The following RPS6 variants were observed in gnomAD, a reference collection of about 807,000 sequenced individuals.
The protein encoded by RPS6 is ribosomal protein S6, also known as small ribosomal subunit protein eS6.
In RPS6, 1 loss-of-function variant was observed where a neutral mutation model predicts 27.1. That is an observed-to-expected ratio of 0.04 (90% CI 0.01 to 0.18). RPS6 has a LOEUF of 0.18. RPS6 is among the 10% of genes least tolerant of loss of function. RPS6 has a pLI of 1.00. For synonymous variants in RPS6, 152 were observed against 106.0 expected (o/e 1.43, Z -2.66); for missense variants, 259 against 319.1 (o/e 0.81, Z 1.44).
intron 2 of RPS6, 193 bp downstream of exon 2, chr9:19,379,294 A>T: frequency 1.4e-6 from 2 of 1,473,990 alleles, no homozygotes; most frequent in Non-Finnish European, 1.8e-6. Context: ...TGTAAACTTT[A>T]CGTATATTTT....
rs11541619 is a variant in RPS6, at chr9:19,376,533, C to A, written c.615G>T (p.Glu205Asp). The A allele has an allele frequency of 1.9e-6, 3 of 1,614,154 alleles. No homozygotes were observed. The highest frequency in any genetic ancestry group is 8.5e-7 in the Non-Finnish European group (1 of 1,180,020). Residue 205 changes from glutamate to aspartate, a missense_variant, in exon 5 of 6, where the codon GAG becomes GAT. Around this residue, in one of 3 missense-constraint regions of RPS6, gnomAD observed 191 missense variants for 231.6 expected, o/e 0.82. Transcript: ENST00000380394. The stretch of plus-strand genomic sequence containing the variant: ...CCAAAAGTTTAGCATATTCTGCAGC[C>A]TCTTCTTTATTTTTCTTGGTACGCT... ...KKQRTKKNKE[E>D]AAEYAKLLAK... is the part of the protein sequence containing the mutation.
chr9:19,379,023 A>G (rs1829635454), intron 2 of RPS6, 105 bp from the exon 3 acceptor site: 2 of 1,137,416 alleles, frequency 1.8e-6, no homozygotes, highest in South Asian at 1.6e-5. Flanking sequence ...AAGTATAATT[A>G]TGAAAACCAA....
rs568419287 is a variant in RPS6, at chr9:19,377,696, A to C, written c.496+672T>G. Among the ~76,000 whole-genome samples, 18 of 152,316 alleles carry C rather than the reference A, an allele frequency of 1.2e-4. No homozygotes were observed. The South Asian group carries it at 3.7e-3, about 32-fold the overall frequency. ...GTCCTCACTGGTGAGTATGTTGTCT[A>C]CTATATGGACAAAAGTTCTTAAAAG... is the stretch of plus-strand genomic sequence containing the variant. On this transcript the variant is annotated intron_variant, in intron 4 of 5. Coordinates refer to ENST00000380394, the MANE Select transcript of RPS6 (RefSeq NM_001010.3).
intron 2 of RPS6, chr9:19,379,205 T>G: frequency 1.8e-6 from 2 of 1,105,022 alleles, no homozygotes; most frequent in Non-Finnish European, 2.5e-6. Context: ...GATACAACCC[T>G]TTTTGGCACT....
rs1285573713 is a variant in RPS6 at position 19,379,475 on chromosome 9, G to A, written c.138+12C>T. 1.9e-6 allele frequency: 3 copies of A among 1,614,028 alleles called. No homozygotes were observed. Among genetic ancestry groups the A allele is most frequent in the Admixed American group, 3.3e-5 (2 of 59,988 alleles). On this transcript the variant is annotated intron_variant, in intron 2 of 5. Transcript: ENST00000380394. The stretch of plus-strand genomic sequence containing the variant: ...CTGACTTAAATACCTGCAACAATTT[G>A]TCAACTTTTACCTTCCATTCTTCAC...
At chr9:19,377,461 C>T (rs531550856) in intron 4 of RPS6, among the ~76,000 whole-genome samples, 23 of 151,208 alleles carry the variant, frequency 1.5e-4, no homozygotes, top group African/African-American at 5.1e-4. Context: ...TTCTCAGCAC[C>T]TTGAACAGTA....
intron 1 of RPS6, 164 bp downstream of exon 1, chr9:19,380,026 T>C: frequency 6.5e-7 from 1 of 1,529,152 alleles, no homozygotes; most frequent in South Asian, 1.3e-5. Context: ...TGCCATCCGT[T>C]CGGCCAAAAA....
At chr9:19,376,869 C>T (rs2132426003) in intron 4 of RPS6, 1 of 430,702 alleles carries the variant, frequency 2.3e-6, no homozygotes, top group South Asian at 4.6e-5. Flanking sequence ...GAAACCAAGT[C>T]CTGAAAAATA....
At chr9:19,380,135 T>G in intron 1 of RPS6, 55 bp downstream of exon 1, 1 of 1,614,056 alleles carries the variant, frequency 6.2e-7, no homozygotes, top group Non-Finnish European at 8.5e-7. Flanking sequence ...TGCCGCGTTC[T>G]GGGACTCGAT....
At chr9:19,379,421 A>C (rs1364188493) in intron 2 of RPS6, 66 bp downstream of exon 2, 1 of 1,600,878 alleles carries the variant, frequency 6.2e-7, no homozygotes, top group African/African-American at 1.3e-5. Context: ...CCCATTCCAA[A>C]TACCAGTTAC....
At chr9:19,378,031 A>G (rs561570088) in intron 4 of RPS6, among the ~76,000 whole-genome samples, 3 of 152,206 alleles carry the variant, frequency 2.0e-5, no homozygotes, top group Admixed American at 6.5e-5. Flanking sequence ...ATAAAATTAC[A>G]AAGTGTGTGG....
At chr9:19,380,038 C>G (rs1185801471) in intron 1 of RPS6, 152 bp downstream of exon 1, 5 of 1,563,860 alleles carry the variant, frequency 3.2e-6, no homozygotes, top group Non-Finnish European at 4.3e-6. Flanking sequence ...GGCCAAAAAG[C>G]TCCATGCCCC....
Position 19,379,606 on chromosome 9 carries a change from A to G in RPS6, c.19T>C (p.Phe7Leu), listed in dbSNP as rs751933360. The stretch of plus-strand genomic sequence containing the variant: ...AGTTTCTGGCAGCCAGTGGCTGGGA[A>G]GGAGATGTTCAGCTAAGGATTAAAA... The part of the protein sequence containing the change: MKLNIS[F>L]PATGCQKLIE... The change falls in exon 2 of 6, where the codon TTC becomes CTC. Residue 7 changes from phenylalanine to leucine, a missense_variant. Phe to Leu is a conservative substitution (Grantham distance 22, BLOSUM62 0). Coordinates refer to ENST00000380394, the MANE Select transcript of RPS6 (RefSeq NM_001010.3). 2 of 1,613,692 alleles carry G rather than the reference A, an allele frequency of 1.2e-6. No individual in the cohort carries two copies. Among genetic ancestry groups the G allele is most frequent in the Non-Finnish European group, 1.7e-6 (2 of 1,179,776 alleles).
Position 19,376,371 on chromosome 9 carries a change from G to A in RPS6, c.672C>T (p.Arg224=), listed in dbSNP as rs3209385. The change falls in exon 6 of 6, where the codon CGC becomes CGT. Residue 224 remains arginine (R), a synonymous_variant. Coordinates refer to ENST00000380394, the MANE Select transcript of RPS6 (RefSeq NM_001010.3). ...AKRMKEAKEK[R]QEQIAKRRRL... The stretch of plus-strand genomic sequence containing the variant: ...TGCGTCTCTTCGCAATTTGTTCCTG[G>A]CGCTTCTCCTTAGCCTCCTAAACAA... 35 of 1,613,930 alleles carry A rather than the reference G, an allele frequency of 2.2e-5. No homozygotes were observed. The highest frequency in any genetic ancestry group is 1.6e-4 in the Middle Eastern group (1 of 6,080).
Position 19,375,801 on chromosome 9 carries a change from TAAAAC to T in RPS6, c.*487_*491del, listed in dbSNP as rs765854116. ...ATTCACTGGAGTTGAAAAGCTTTGT[TAAAAC>T]AAATTTGAAATGGCTTAAAAACCAT... is the stretch of plus-strand genomic sequence containing the variant. On this transcript the variant is annotated 3_prime_UTR_variant, in exon 6 of 6. Coordinates refer to ENST00000380394, the MANE Select transcript of RPS6 (RefSeq NM_001010.3). The T allele has an allele frequency of 3.9e-5, 6 of 152,634 alleles. No homozygotes were observed. Among genetic ancestry groups the T allele is most frequent in the South Asian group, 2.1e-4 (1 of 4,850 alleles). The allele number at this position is 152,634 out of a possible 1,614,324, so 9.5% of individuals were successfully genotyped here. A position where few individuals can be genotyped will look rare whatever the true frequency, so the allele number is the denominator to read the frequency against.
Position 19,376,206 on chromosome 9 carries a change from C to G in RPS6, c.*87G>C, listed in dbSNP as rs927621630. 3 of 1,166,406 alleles carry G rather than the reference C, an allele frequency of 2.6e-6. No individual in the cohort carries two copies. Among genetic ancestry groups the G allele is most frequent in the African/African-American group, 3.1e-5 (2 of 64,904 alleles). The allele number at this position is 1,166,406 out of a possible 1,614,324, so 72.3% of individuals were successfully genotyped here. On this transcript the variant is annotated 3_prime_UTR_variant, in exon 6 of 6. Transcript: ENST00000380394. Reference sequence around the variant, plus strand: ...CCCATTTTCTATGACCTAACTTTCCCTCTCTTCATTTATGTAGTTTTCTAT... The same window carrying G: ...CCCATTTTCTATGACCTAACTTTCCGTCTCTTCATTTATGTAGTTTTCTAT...
At chr9:19,378,146 C>T (rs1344790685) in intron 4 of RPS6, among the ~76,000 whole-genome samples, 1 of 152,160 alleles carries the variant, frequency 6.6e-6, no homozygotes, top group African/African-American at 2.4e-5. Context: ...GATTCACAAG[C>T]AGATTTTCAA....
rs780993151 is a variant in RPS6, at chr9:19,378,427, T to C, written c.437A>G (p.Asn146Ser). Residue 146 changes from asparagine to serine, a missense_variant, in exon 4 of 6, where the codon AAT becomes AGT. Coordinates refer to ENST00000380394, the MANE Select transcript of RPS6 (RefSeq NM_001010.3). Reference protein sequence around the residue: ...KRASRIRKLFNLSKEDDVRQY... With the variant: ...KRASRIRKLFSLSKEDDVRQY... ...GCGGACATCATCTTCTTTAGAGAGA[T>C]TGAAAAGTTTGCGGATTCTGCTAGC... is the stretch of plus-strand genomic sequence containing the variant. 2.6e-5 allele frequency: 42 copies of C among 1,613,762 alleles called. No homozygotes were observed. Among genetic ancestry groups the C allele is most frequent in the East Asian group, 6.7e-5 (3 of 44,896 alleles).
chr9:19,376,827 G>T (rs1348709207), intron 4 of RPS6, 176 bp from the exon 5 acceptor site: 1 of 523,516 alleles, frequency 1.9e-6, no homozygotes, highest in Non-Finnish European at 3.2e-6. Context: ...CAGAAATCTA[G>T]AAGATTGGTT....
Sources: gnomAD v4.1 joint callset for allele counts (sites outside exome capture counted in the v4.1 genomes callset) on GRCh38, gnomAD v4.1.1 for gene constraint, gnomAD v4.1.1 regional missense constraint, MANE v1.5 for transcripts, NCBI Gene and HGNC (gene_info 2026-07-23, HGNC 2026-07-21) for gene names.